The following COL25A1 variants were observed in gnomAD, a reference collection of about 807,000 sequenced individuals.
COL25A1 encodes collagen type XXV alpha 1 chain.
A neutral mutation model predicts 128.4 loss-of-function variants in COL25A1; 103 were observed. The ratio of observed to expected loss-of-function variants is 0.80; its 90% CI spans 0.68 to 0.94. The LOEUF (loss-of-function observed/expected upper bound fraction) is 0.94. COL25A1 is among the 40% of genes least tolerant of loss of function. The pLI is 0.00. For missense variants in COL25A1, 745 were observed against 840.0 expected (o/e 0.89, Z 1.40); for synonymous variants, 279 against 277.2 (o/e 1.01, Z -0.06).
At chr4:108,950,621 G>A (rs1749308380) in intron 8 of COL25A1, among the ~76,000 whole-genome samples, 1 of 152,178 alleles carries the variant, frequency 6.6e-6, no homozygotes, top group Non-Finnish European at 1.5e-5. Flanking sequence ...TTCTATTTTA[G>A]GAACTCTCCC....
At position 108,863,339 on chromosome 4, in the gene COL25A1, G is replaced by A; in HGVS notation, c.1132C>T (p.Pro378Ser). 6.2e-7 allele frequency: 1 copy of A among 1,613,722 alleles called. No homozygotes were observed. The highest frequency in any genetic ancestry group is 8.5e-7 in the Non-Finnish European group (1 of 1,179,892). ...GPPGRGERGE[P>S]GAPGPKGKQG... ...CTCACCTTTGGTCCGGGGGCTCCAG[G>A]TTCCCCTCGCTCACCTCTTCCAGGA... The change falls in exon 21 of 38, where the codon CCT becomes TCT. Residue 378 changes from proline (P) to serine (S), a missense_variant. By Grantham distance (74) the Pro-to-Ser change is moderately conservative. Coordinates refer to ENST00000399132, the MANE Select transcript of COL25A1 (RefSeq NM_198721.4).
At chr4:108,904,648 G>A (rs1743246757) in intron 13 of COL25A1, among the ~76,000 whole-genome samples, 1 of 151,918 alleles carries the variant, frequency 6.6e-6, no homozygotes, top group South Asian at 2.1e-4. Flanking sequence ...TGGGTGGGGG[G>A]AGCTGGTCTC....
At chr4:109,250,507 G>C (rs1425206358) in intron 3 of COL25A1, among the ~76,000 whole-genome samples, 3 of 152,068 alleles carry the variant, frequency 2.0e-5, no homozygotes, top group Admixed American at 1.3e-4. Context: ...AGGGCCAATG[G>C]TATAGTTTCG....
intron 3 of COL25A1, among the ~76,000 whole-genome samples, chr4:109,073,917 CT>C (rs1434568328): frequency 7.2e-5 from 11 of 152,148 alleles, no homozygotes; most frequent in Non-Finnish European, 1.2e-4. Flanking sequence ...AAACAATGTC[CT>C]TTTGCCCAGA....
At chr4:109,016,440 C>T (rs115801068) in intron 5 of COL25A1, among the ~76,000 whole-genome samples, 1,886 of 152,290 alleles carry the variant, frequency 0.012, 25 homozygotes, top group Non-Finnish European at 0.02. Context: ...GATTCCTAGG[C>T]GGAAAGGGGC....
At chr4:108,968,360 C>T (rs1187932911) in intron 8 of COL25A1, among the ~76,000 whole-genome samples, 1 of 152,180 alleles carries the variant, frequency 6.6e-6, no homozygotes, top group Admixed American at 6.5e-5. Flanking sequence ...CTTCCACTCT[C>T]ACTACTTAAC....
At chr4:109,179,623 T>C (rs1320165027) in intron 3 of COL25A1, among the ~76,000 whole-genome samples, 4 of 152,224 alleles carry the variant, frequency 2.6e-5, no homozygotes, top group Non-Finnish European at 4.4e-5. Context: ...ACCTGTCTTA[T>C]TGATTACTTT....
chr4:108,870,343 G>A (rs1738556765), intron 19 of COL25A1, among the ~76,000 whole-genome samples: 1 of 151,672 alleles, frequency 6.6e-6, no homozygotes, highest in South Asian at 2.1e-4. Flanking sequence ...AAAAACCTTG[G>A]GTATTGGGTG....
intron 3 of COL25A1, among the ~76,000 whole-genome samples, chr4:109,176,763 T>C (rs1275828779): frequency 6.6e-6 from 1 of 152,020 alleles, no homozygotes; most frequent in Non-Finnish European, 1.5e-5. Flanking sequence ...ACAAGTTTCT[T>C]TAAAATAAAA....
chr4:108,882,461 C>A (rs1291018079), intron 19 of COL25A1, among the ~76,000 whole-genome samples: 1 of 152,080 alleles, frequency 6.6e-6, no homozygotes. Context: ...TAAATGCCTT[C>A]CCCTTTATTT....
At chr4:108,884,597 G>A (rs1740558226) in intron 18 of COL25A1, among the ~76,000 whole-genome samples, 1 of 152,186 alleles carries the variant, frequency 6.6e-6, no homozygotes, top group East Asian at 1.9e-4. Context: ...TTTCAACAAT[G>A]CATCCTATCC....
chr4:108,957,462 A>G (rs1578887564), intron 8 of COL25A1, among the ~76,000 whole-genome samples: 2 of 152,232 alleles, frequency 1.3e-5, no homozygotes, highest in South Asian at 4.1e-4. Context: ...CAGTGTTTCT[A>G]TAAACCACTG....
chr4:108,862,647 A>C, intron 21 of COL25A1, 102 bp from the exon 22 acceptor site: 2 of 945,066 alleles, frequency 2.1e-6, no homozygotes, highest in Non-Finnish European at 1.7e-6. Flanking sequence ...AGAAAAATGG[A>C]AACACTTTAT....
chr4:109,171,267 T>C (rs1397532621), intron 3 of COL25A1, among the ~76,000 whole-genome samples: 2 of 152,176 alleles, frequency 1.3e-5, no homozygotes, highest in Non-Finnish European at 2.9e-5. Context: ...CTTATAAAGA[T>C]TGAGTAAAAG....
rs1730611535 is a variant in COL25A1, at chr4:108,809,209, A to ATTTTTTTTTTTTTTTT, written c.*4717_*4718insAAAAAAAAAAAAAAAA. The ATTTTTTTTTTTTTTTT allele has an allele frequency of 6.6e-6, 1 of 152,158 alleles. No individual in the cohort carries two copies. The highest frequency in any genetic ancestry group is 2.4e-5 in the African/African-American group (1 of 41,532). 9.4% of individuals were successfully genotyped at this position (152,158 alleles called of 1,614,324 possible). On this transcript the variant is annotated 3_prime_UTR_variant, in exon 38 of 38. Transcript: ENST00000399132. ...ATATTTTTTTTTGCATATTTCACTTATTTTGTATTTATGTGAGTTTTTGGC... is the reference window on the plus strand; with the variant it reads ...ATATTTTTTTTTGCATATTTCACTTATTTTTTTTTTTTTTTTTTTTGTATTTATGTGAGTTTTTGGC...
chr4:108,929,629 G>T (rs1578798221), intron 11 of COL25A1, among the ~76,000 whole-genome samples: 1 of 152,186 alleles, frequency 6.6e-6, no homozygotes, highest in Non-Finnish European at 1.5e-5. Context: ...ATTGCTTGAA[G>T]CCTGGGCAAT....
intron 8 of COL25A1, among the ~76,000 whole-genome samples, chr4:108,972,753 G>A (rs1326320995): frequency 6.6e-6 from 1 of 152,150 alleles, no homozygotes; most frequent in African/African-American, 2.4e-5. Flanking sequence ...TGTGAAAACT[G>A]GCTGAAATCT....
At chr4:108,888,276 AT>A (rs1741060142) in intron 18 of COL25A1, among the ~76,000 whole-genome samples, 1 of 152,178 alleles carries the variant, frequency 6.6e-6, no homozygotes, top group Non-Finnish European at 1.5e-5. Flanking sequence ...ATTTTACTAC[AT>A]CTTCAGGTTC....
intron 29 of COL25A1, 79 bp from the exon 30 acceptor site, chr4:108,844,648 T>TA (rs2125757662): frequency 6.4e-7 from 1 of 1,551,136 alleles, no homozygotes; most frequent in South Asian, 1.3e-5. Context: ...GTGCTGGGGT[T>TA]CTGCTAAGGC....
Sources: allele counts gnomAD v4.1 joint callset (sites outside exome capture counted in the v4.1 genomes callset), GRCh38; gene constraint gnomAD v4.1.1; transcripts MANE v1.5; gene names NCBI Gene and HGNC (gene_info 2026-07-23, HGNC 2026-07-21).